TBCK: variants seen among roughly 807,000 people sequenced by gnomAD.
TBCK encodes the protein TBC1 domain containing kinase.
In TBCK, 99 loss-of-function variants were observed where a neutral mutation model predicts 113.4. The observed-to-expected ratio is 0.87, with a 90% CI of 0.74 to 1.03. The LOEUF (loss-of-function observed/expected upper bound fraction) is 1.03, where lower values mean the gene tolerates loss of function less well. Among genes scored for constraint, TBCK ranks in the 50% least tolerant of loss-of-function variants. TBCK has a pLI of 0.00. For synonymous variants in TBCK, 369 were observed against 370.8 expected (o/e 1.00, Z 0.05); for missense variants, 1,045 against 1,061.3 (o/e 0.98, Z 0.21).
intron 25 of TBCK, among the ~76,000 whole-genome samples, chr4:106,065,192 A>T (rs147052321): frequency 4.6e-5 from 7 of 152,122 alleles, no homozygotes; most frequent in Admixed American, 1.3e-4. Context: ...ATGATATGGT[A>T]GACTAGCTCT....
At chr4:106,127,023 C>T (rs1316298645) in intron 23 of TBCK, among the ~76,000 whole-genome samples, 18 of 151,728 alleles carry the variant, frequency 1.2e-4, no homozygotes, top group East Asian at 3.9e-4. Context: ...TTCTGGCCAA[C>T]GTGGTGAAAC....
At chr4:106,103,353 G>A (rs1741767075) in intron 24 of TBCK, among the ~76,000 whole-genome samples, 1 of 152,162 alleles carries the variant, frequency 6.6e-6, no homozygotes, top group Non-Finnish European at 1.5e-5. Flanking sequence ...TTGAAGAAAT[G>A]TGTATAACAT....
At chr4:106,104,913 A>C (rs1741962836) in intron 24 of TBCK, among the ~76,000 whole-genome samples, 1 of 152,212 alleles carries the variant, frequency 6.6e-6, no homozygotes, top group African/African-American at 2.4e-5. Flanking sequence ...CCTACAGAAA[A>C]GTGGGCAGAC....
chr4:106,129,625 G>T (rs1745643682), intron 23 of TBCK, among the ~76,000 whole-genome samples: 1 of 152,016 alleles, frequency 6.6e-6, no homozygotes, highest in Non-Finnish European at 1.5e-5. Context: ...CAAAAAAAAG[G>T]GGAGATATAA....
At chr4:106,181,935 T>G (rs551710446) in intron 22 of TBCK, among the ~76,000 whole-genome samples, 127 of 152,312 alleles carry the variant, frequency 8.3e-4, no homozygotes, top group Middle Eastern at 6.8e-3. Context: ...GGGGATAGCA[T>G]TGAATCTATA....
In TBCK at chr4:106,177,422, T is replaced by C. The variant is rs1197094480; in HGVS notation, c.2060-6152A>G. Among the ~76,000 whole-genome samples, 5 of 151,922 alleles carry C rather than the reference T, an allele frequency of 3.3e-5. No homozygotes were observed. The East Asian group carries it at 9.6e-4, about 29-fold the overall frequency. ...CAAAAATCCTTGCCTAGTAGATCAA[T>C]GTTGTGAGACATTTCCACAACGTGG... On this transcript the variant is annotated intron_variant, in intron 22 of 25. Transcript: ENST00000394708.
At chr4:106,180,823 A>G (rs1378517558) in intron 22 of TBCK, among the ~76,000 whole-genome samples, 2 of 152,150 alleles carry the variant, frequency 1.3e-5, no homozygotes, top group Non-Finnish European at 2.9e-5. Context: ...GCTATTGTGA[A>G]TAGTGCCACA....
intron 12 of TBCK, among the ~76,000 whole-genome samples, chr4:106,237,204 G>C (rs1759574711): frequency 6.6e-6 from 1 of 151,974 alleles, no homozygotes; most frequent in Admixed American, 6.6e-5. Context: ...GAACAACTTA[G>C]ATTTATTTTT....
intron 23 of TBCK, among the ~76,000 whole-genome samples, chr4:106,132,638 C>T (rs757855165): frequency 5.3e-5 from 8 of 152,192 alleles, no homozygotes; most frequent in Non-Finnish European, 5.9e-5. Flanking sequence ...AGAGCTTGCA[C>T]TGTGAGCCTG....
intron 25 of TBCK, among the ~76,000 whole-genome samples, chr4:106,066,802 T>A (rs969095218): frequency 6.6e-6 from 1 of 152,120 alleles, no homozygotes. Context: ...ATGTGGATTA[T>A]ACTTAGCATA....
At chr4:106,228,322 TC>T (rs2149979259) in intron 19 of TBCK, among the ~76,000 whole-genome samples, 1 of 144,414 alleles carries the variant, frequency 6.9e-6, no homozygotes, top group African/African-American at 2.5e-5. Flanking sequence ...AAATACAAGG[TC>T]TTATTTATTC....
chr4:106,091,658 T>C (rs1382311328), intron 25 of TBCK, among the ~76,000 whole-genome samples: 1 of 151,818 alleles, frequency 6.6e-6, no homozygotes, highest in Non-Finnish European at 1.5e-5. Context: ...TCTTGATGGG[T>C]TCAGGAGTGA....
At chr4:106,064,220 A>C (rs1736370362) in intron 25 of TBCK, among the ~76,000 whole-genome samples, 1 of 151,932 alleles carries the variant, frequency 6.6e-6, no homozygotes, top group Non-Finnish European at 1.5e-5. Flanking sequence ...CTTATTATGA[A>C]TCTGATCATT....
At position 106,165,959 on chromosome 4, in the gene TBCK, TTTC is replaced by T. The variant is rs1485866444; in HGVS notation, c.2235+5133_2235+5135del. Among the ~76,000 whole-genome samples, 12 of 151,854 alleles carry T rather than the reference TTTC, an allele frequency of 7.9e-5. No homozygotes were observed. In the East Asian group the frequency reaches 2.3e-3, roughly 29 times the overall value. Reference sequence around the variant, plus strand: ...TGCAGAAATGAAAGTAAAATTGATTTTTCTTCTAATATCCACTTTTAACCTTCC... The same window carrying T: ...TGCAGAAATGAAAGTAAAATTGATTTTTCTAATATCCACTTTTAACCTTCC... On this transcript the variant is annotated intron_variant, in intron 23 of 25. Transcript: ENST00000394708.
At chr4:106,133,294 G>C (rs1746174327) in intron 23 of TBCK, among the ~76,000 whole-genome samples, 1 of 152,138 alleles carries the variant, frequency 6.6e-6, no homozygotes, top group Admixed American at 6.5e-5. Context: ...TTTTATAAAT[G>C]GGAGTTCCCC....
chr4:106,262,103 G>A lies in TBCK; in HGVS notation c.376C>T (p.Arg126Ter), dbSNP rs575822089. 118 of 1,510,172 alleles carry A rather than the reference G, an allele frequency of 7.8e-5. No homozygotes were observed. The Admixed American group carries it at 1.1e-3, about 14-fold the overall frequency. The allele number at this position is 1,510,172 out of a possible 1,614,324, so 93.5% of individuals were successfully genotyped here. ...ALSPHNILLD[R>*]KGHIKLAKFG... ...TTACATGATTTAACAATTACCTTTC[G>A]GTCCAACAGGATATTATGAGGAGAC... Residue 126 changes from arginine (R) to a stop codon, truncating the protein, a stop_gained, in exon 4 of 26, where the codon CGA becomes TGA. Coordinates refer to ENST00000394708, the MANE Select transcript of TBCK (RefSeq NM_001163435.3). LOFTEE classifies it high-confidence loss of function.
At chr4:106,225,634 T>G (rs1420438285) in intron 19 of TBCK, among the ~76,000 whole-genome samples, 2 of 152,004 alleles carry the variant, frequency 1.3e-5, no homozygotes, top group Non-Finnish European at 2.9e-5. Context: ...TATTTTTGTA[T>G]TTTTAGTAGA....
Position 106,270,455 on chromosome 4 carries a change from T to C in TBCK, c.267-8243A>G, listed in dbSNP as rs145306630. ...ACTAGGTAATAAGTCCAACTCCCCA[T>C]ACCCTGGCAGCATTTGGGATGTTGG... On this transcript the variant is annotated intron_variant, in intron 3 of 25. Coordinates refer to ENST00000394708, the MANE Select transcript of TBCK (RefSeq NM_001163435.3). 5.9e-5 allele frequency among the ~76,000 whole-genome samples: 9 copies of C among 152,294 alleles called. No homozygotes were observed. The East Asian group carries it at 1.2e-3, about 20-fold the overall frequency.
intron 2 of TBCK, among the ~76,000 whole-genome samples, chr4:106,295,756 C>T (rs1045003724): frequency 6.6e-6 from 1 of 152,162 alleles, no homozygotes; most frequent in Non-Finnish European, 1.5e-5. Context: ...AACTTAACTA[C>T]TAATTTGCCT....
Sources: allele counts gnomAD v4.1 joint callset (sites outside exome capture counted in the v4.1 genomes callset), GRCh38; gene constraint gnomAD v4.1.1; transcripts MANE v1.5; gene names NCBI Gene and HGNC (gene_info 2026-07-23, HGNC 2026-07-21).